Variants in N4BP2L2 observed in about 807,000 individuals in gnomAD.
N4BP2L2 encodes NEDD4-binding protein 2-like 2.
A neutral mutation model predicts 56.2 loss-of-function variants in N4BP2L2; 50 were observed. That is an observed-to-expected ratio of 0.89 (90% confidence interval 0.71 to 1.13). The LOEUF (loss-of-function observed/expected upper bound fraction) is 1.13. N4BP2L2 is among the 50% of genes most tolerant of loss of function. The pLI is 0.00. For missense variants in N4BP2L2, 689 were observed against 693.8 expected (o/e 0.99, Z 0.08); for synonymous variants, 203 against 223.6 (o/e 0.91, Z 0.82).
exon 6 of N4BP2L2, chr13:32,517,466 A>G (rs979078150): frequency 2.0e-6 from 2 of 1,016,684 alleles, no homozygotes; most frequent in Admixed American, 5.1e-5. Context: ...GATATGAACT[A>G]TTAAAAAACT....
exon 6 of N4BP2L2, chr13:32,514,660 G>C (rs1380867834): frequency 6.6e-6 from 1 of 152,002 alleles, no homozygotes; most frequent in Non-Finnish European, 1.5e-5. Context: ...CCCCAAAAAA[G>C]ACTGTCTGAA....
chr13:32,435,142 A>C, intron 9 of N4BP2L2, among the ~76,000 whole-genome samples: 1 of 152,162 alleles, frequency 6.6e-6, no homozygotes, highest in East Asian at 1.9e-4. Context: ...TATGGTGTTA[A>C]ATCAAATCCC....
chr13:32,449,217 G>A (rs1459545857), intron 6 of N4BP2L2, among the ~76,000 whole-genome samples: 1 of 152,046 alleles, frequency 6.6e-6, no homozygotes, highest in Non-Finnish European at 1.5e-5. Flanking sequence ...GAGTCAGATG[G>A]GTTTATTCGC....
chr13:32,507,368 T>C (rs1209605027), downstream of N4BP2L2: 8 of 152,100 alleles, frequency 5.3e-5, no homozygotes, highest in Admixed American at 1.3e-4. Context: ...ATATTGTTAA[T>C]AGAACCATTA....
exon 6 of N4BP2L2, chr13:32,515,743 ATTT>A (rs1047007561): frequency 6.7e-6 from 1 of 149,306 alleles, no homozygotes; most frequent in Admixed American, 6.7e-5. Context: ...AAAAAAACTA[ATTT>A]TTTTTTTTGA....
chr13:32,517,011 T>C (rs2049379294), exon 6 of N4BP2L2: 1 of 970,344 alleles, frequency 1.0e-6, no homozygotes, highest in South Asian at 4.8e-5. Context: ...ATAGTACAAA[T>C]CCTCTTATGA....
chr13:32,433,700 G>C (rs1439879916), intron 9 of N4BP2L2, among the ~76,000 whole-genome samples: 1 of 151,274 alleles, frequency 6.6e-6, no homozygotes, highest in African/African-American at 2.4e-5. Flanking sequence ...GCCAAGGCAG[G>C]TGAATCACGA....
intron 6 of N4BP2L2, among the ~76,000 whole-genome samples, chr13:32,502,232 TTTTTA>T (rs909176012): frequency 1.3e-5 from 2 of 151,906 alleles, no homozygotes; most frequent in African/African-American, 4.8e-5. Context: ...TCCAGCTAAT[TTTTTA>T]TTTTTTTATT....
At chr13:32,475,070 T>C (rs751304215) in intron 6 of N4BP2L2, among the ~76,000 whole-genome samples, 5 of 152,198 alleles carry the variant, frequency 3.3e-5, no homozygotes, top group Non-Finnish European at 5.9e-5. Context: ...ATGCAGAAAC[T>C]GTTAAAATTT....
chr13:32,532,810 C>T lies in N4BP2L2; in HGVS notation c.1259+2959G>A, dbSNP rs554671564. ...TTCACAATGTTGGCCAGGATGGTCT[C>T]GATCTCTTGACCTCATGATCCACCT... is the stretch of plus-strand genomic sequence containing the variant. On this transcript the variant is annotated intron_variant, in intron 2 of 5. Coordinates refer to ENST00000267068, the Ensembl canonical transcript of N4BP2L2. 3.2e-4 allele frequency among the ~76,000 whole-genome samples: 48 copies of T among 151,464 alleles called. No individual in the cohort carries two copies. The South Asian group carries it at 8.1e-3, about 26-fold the overall frequency.
At chr13:32,475,462 T>A (rs1291622733) in intron 6 of N4BP2L2, among the ~76,000 whole-genome samples, 1 of 152,216 alleles carries the variant, frequency 6.6e-6, no homozygotes, top group Non-Finnish European at 1.5e-5. Context: ...ATAGTCCAGT[T>A]TGAGGAGGCG....
At chr13:32,531,471 A>G (rs1481135346) in intron 2 of N4BP2L2, among the ~76,000 whole-genome samples, 1 of 152,174 alleles carries the variant, frequency 6.6e-6, no homozygotes, top group Admixed American at 6.5e-5. Context: ...TTTACAAGTG[A>G]TTTTCAAGAA....
At chr13:32,477,095 GA>G (rs1386215684) in intron 6 of N4BP2L2, among the ~76,000 whole-genome samples, 1 of 152,132 alleles carries the variant, frequency 6.6e-6, no homozygotes, top group Non-Finnish European at 1.5e-5. Context: ...TGCCTGAGGG[GA>G]TTACCAGTGA....
At chr13:32,459,846 A>G (rs1261420503) in intron 6 of N4BP2L2, among the ~76,000 whole-genome samples, 2 of 152,212 alleles carry the variant, frequency 1.3e-5, no homozygotes, top group Non-Finnish European at 2.9e-5. Context: ...AGACAAGGAC[A>G]CAGCAAAAAA....
intron 6 of N4BP2L2, among the ~76,000 whole-genome samples, chr13:32,491,595 A>T (rs2087081599): frequency 6.9e-6 from 1 of 145,922 alleles, no homozygotes; most frequent in African/African-American, 2.5e-5. Context: ...TATATATACT[A>T]TATGTATAAA....
At chr13:32,473,639 T>C (rs551110050) in intron 6 of N4BP2L2, among the ~76,000 whole-genome samples, 10 of 152,342 alleles carry the variant, frequency 6.6e-5, no homozygotes, top group African/African-American at 2.4e-4. Flanking sequence ...CTGAAAGGTA[T>C]ATGAGAGAAT....
exon 2 of N4BP2L2, chr13:32,535,952 C>T (rs199871544): frequency 9.3e-6 from 15 of 1,613,928 alleles, no homozygotes; most frequent in African/African-American, 8.0e-5. Context: ...ACTCACATAT[C>T]GATCTTGCAT....
chr13:32,457,220 CT>C (rs998451939), intron 6 of N4BP2L2, among the ~76,000 whole-genome samples: 9 of 151,968 alleles, frequency 5.9e-5, no homozygotes, highest in Admixed American at 5.2e-4. Context: ...TGAACAAAAC[CT>C]ACTTGGCATA....
intron 2 of N4BP2L2, among the ~76,000 whole-genome samples, chr13:32,530,190 AC>A (rs2054308668): frequency 6.6e-6 from 1 of 152,208 alleles, no homozygotes; most frequent in African/African-American, 2.4e-5. Context: ...TCTATAAAGA[AC>A]ATTTTCTTAA....
Sources: allele counts gnomAD v4.1 joint callset (sites outside exome capture counted in the v4.1 genomes callset), GRCh38; gene constraint gnomAD v4.1.1; transcripts MANE v1.5; gene names NCBI Gene and HGNC (gene_info 2026-07-23, HGNC 2026-07-21).